Variants in OXR1 observed in about 807,000 individuals in gnomAD.
OXR1 encodes the protein oxidation resistance 1.
Under a neutral mutation model 104.6 loss-of-function variants are expected in OXR1, and 41 were observed. The observed-to-expected ratio is 0.39, with a 90% CI of 0.31 to 0.51. The LOEUF is 0.51. Among genes scored for constraint, OXR1 ranks in the 20% least tolerant of loss-of-function variants. The probability of loss-of-function intolerance (pLI) is 0.77; values close to 1 mark genes in which losing one functional copy is unlikely to be tolerated. For missense variants in OXR1, 955 were observed against 1,031.9 expected (o/e 0.93, Z 1.02); for synonymous variants, 348 against 348.4 (o/e 1.00, Z 0.01).
chr8:106,736,946 T>G (rs532291529), intron 11 of OXR1, among the ~76,000 whole-genome samples: 1 of 152,286 alleles, frequency 6.6e-6, no homozygotes, highest in Middle Eastern at 3.4e-3. Context: ...AAAATCTAAT[T>G]TTCTACTTTC....
intron 10 of OXR1, among the ~76,000 whole-genome samples, chr8:106,711,920 A>G (rs1160310783): frequency 1.3e-5 from 2 of 152,150 alleles, no homozygotes; most frequent in Non-Finnish European, 2.9e-5. Flanking sequence ...ACATACTTGA[A>G]AAGATACTGC....
chr8:106,684,353 G>C lies in OXR1; in HGVS notation c.519G>C (p.Lys173Asn). 2 of 1,515,002 alleles carry C rather than the reference G, an allele frequency of 1.3e-6. No homozygotes were observed. The highest frequency in any genetic ancestry group is 1.8e-6 in the Non-Finnish European group (2 of 1,089,990). The allele number at this position is 1,515,002 out of a possible 1,614,324, so 93.8% of individuals were successfully genotyped here. A position where few individuals can be genotyped will look rare whatever the true frequency, so the allele number is the denominator to read the frequency against. The change falls in exon 6 of 17, where the codon AAG (lysine) becomes AAC (asparagine). Residue 173 changes from lysine to asparagine, a missense_variant. Lys to Asn is a moderately conservative substitution (Grantham distance 94). Coordinates refer to ENST00000517566, the MANE Select transcript of OXR1 (RefSeq NM_001198533.2). The part of the protein sequence containing the change: ...SPTSSEAEFD[K>N]TTNPDVHPTE... ...CATCATCTGAGGCTGAATTTGATAAGACCACTGTAAGTATCTCTGCTTTGC... is the reference window on the plus strand; with the variant it reads ...CATCATCTGAGGCTGAATTTGATAACACCACTGTAAGTATCTCTGCTTTGC...
Position 106,306,045 on chromosome 8 carries a change from C to A in OXR1, c.-139+35678C>A, listed in dbSNP as rs184784291. ...TGCATTTCCCTCCATTCCTTCAGAG[C>A]TCTTTTTTTTTTCATTAAAATGCAG... On this transcript the variant is annotated intron_variant, in intron 1 of 16. Coordinates refer to ENST00000517566, the MANE Select transcript of OXR1 (RefSeq NM_001198533.2). 3.4e-3 allele frequency among the ~76,000 whole-genome samples: 514 copies of A among 150,786 alleles called. 4 individuals are homozygous for A. Among genetic ancestry groups the A allele is most frequent in the African/African-American group, 0.011 (458 of 41,326 alleles).
rs745313419 is a variant in OXR1, at chr8:106,274,398, C to T, written c.-139+4031C>T. Among the ~76,000 whole-genome samples the T allele has an allele frequency of 3.3e-5, 5 of 152,150 alleles. No individual in the cohort carries two copies. The East Asian group carries it at 9.6e-4, about 29-fold the overall frequency. On this transcript the variant is annotated intron_variant, in intron 1 of 16. Transcript: ENST00000517566. ...TAAAATTTGGTCGTTGTATCTACCC[C>T]CTCTTCTGTCTCACCATTCCACCCA...
At chr8:106,392,771 G>A (rs1817635330) in intron 2 of OXR1, among the ~76,000 whole-genome samples, 1 of 152,096 alleles carries the variant, frequency 6.6e-6, no homozygotes, top group Non-Finnish European at 1.5e-5. Flanking sequence ...AAGACAGGGA[G>A]CAAATAGGAA....
At chr8:106,296,733 T>C (rs752667491) in intron 1 of OXR1, among the ~76,000 whole-genome samples, 1 of 152,132 alleles carries the variant, frequency 6.6e-6, no homozygotes, top group Non-Finnish European at 1.5e-5. Flanking sequence ...GCAGTGAATG[T>C]TTGTATGGTT....
intron 3 of OXR1, among the ~76,000 whole-genome samples, chr8:106,626,950 A>T (rs1448757663): frequency 6.6e-6 from 1 of 152,068 alleles, no homozygotes; most frequent in East Asian, 1.9e-4. Context: ...CCTGAAAAAT[A>T]TGAAATGCTT....
At chr8:106,728,553 C>T (rs1418010238) in intron 11 of OXR1, among the ~76,000 whole-genome samples, 1 of 152,166 alleles carries the variant, frequency 6.6e-6, no homozygotes, top group Non-Finnish European at 1.5e-5. Flanking sequence ...TAACAAAATG[C>T]ATGGCATGAA....
At chr8:106,634,109 A>G (rs1822937703) in intron 3 of OXR1, among the ~76,000 whole-genome samples, 1 of 151,994 alleles carries the variant, frequency 6.6e-6, no homozygotes, top group Non-Finnish European at 1.5e-5. Context: ...CAGAACTACT[A>G]CTCTTTGAAA....
At chr8:106,698,781 A>AT (rs1335462863) in intron 7 of OXR1, among the ~76,000 whole-genome samples, 2 of 152,048 alleles carry the variant, frequency 1.3e-5, no homozygotes, top group Non-Finnish European at 2.9e-5. Flanking sequence ...ATTGTTGAAT[A>AT]TGGTTATAAT....
chr8:106,318,843 T>A (rs918878320), intron 1 of OXR1, among the ~76,000 whole-genome samples: 48 of 152,310 alleles, frequency 3.2e-4, no homozygotes, highest in African/African-American at 1.1e-3. Context: ...CCCAGTATGG[T>A]AAAGGAGAGA....
chr8:106,344,986 A>T (rs189330927), intron 1 of OXR1, among the ~76,000 whole-genome samples: 440 of 152,326 alleles, frequency 2.9e-3, no homozygotes, highest in African/African-American at 0.01. Context: ...CCTCCTTGTG[A>T]GGAAACAGCT....
chr8:106,278,481 T>TA lies in OXR1; in HGVS notation c.-139+8124dup, dbSNP rs1023640590. Among the ~76,000 whole-genome samples the TA allele has an allele frequency of 9.3e-3, 1,376 of 147,304 alleles. 10 individuals carry two copies. The highest frequency in any genetic ancestry group is 0.029 in the African/African-American group (1,153 of 40,350). ...CTTAGTATCTACAAACATGGGCAACTAAAAAAAAAATCCAGAAAGGTTAAC... is the reference window on the plus strand; with the variant it reads ...CTTAGTATCTACAAACATGGGCAACTAAAAAAAAAAATCCAGAAAGGTTAAC... On this transcript the variant is annotated intron_variant, in intron 1 of 16. Coordinates refer to ENST00000517566, the MANE Select transcript of OXR1 (RefSeq NM_001198533.2).
At chr8:106,676,649 G>A (rs1293649216) in intron 3 of OXR1, among the ~76,000 whole-genome samples, 8 of 152,064 alleles carry the variant, frequency 5.3e-5, no homozygotes, top group African/African-American at 1.9e-4. Flanking sequence ...GGTTTCAGCT[G>A]AGAGGTCTGC....
chr8:106,648,155 G>C lies in OXR1; in HGVS notation c.221-31055G>C, dbSNP rs547391597. ...TCAGGAAGTATGCCAGGGGATGGTT[G>C]TTAGTAGAAAAACCATTTCATGTCA... On this transcript the variant is annotated intron_variant, in intron 3 of 16. Coordinates refer to ENST00000517566, the MANE Select transcript of OXR1 (RefSeq NM_001198533.2). 3.1e-4 allele frequency among the ~76,000 whole-genome samples: 47 copies of C among 152,296 alleles called. No individual in the cohort carries two copies. The South Asian group carries it at 9.3e-3, about 30-fold the overall frequency.
chr8:106,550,508 G>C (rs76044557), intron 3 of OXR1, among the ~76,000 whole-genome samples: 5 of 152,090 alleles, frequency 3.3e-5, no homozygotes, highest in Non-Finnish European at 5.9e-5. Flanking sequence ...CCTGAATCTC[G>C]TCTTGAATTG....
intron 2 of OXR1, among the ~76,000 whole-genome samples, chr8:106,360,408 C>T (rs1816190895): frequency 6.6e-6 from 1 of 151,918 alleles, no homozygotes; most frequent in Non-Finnish European, 1.5e-5. Flanking sequence ...TTCATTTTAT[C>T]CTTGCTCTTC....
chr8:106,290,442 A>G (rs962781686), intron 1 of OXR1, among the ~76,000 whole-genome samples: 5 of 152,188 alleles, frequency 3.3e-5, no homozygotes, highest in African/African-American at 1.2e-4. Flanking sequence ...AAAACCAAAA[A>G]TTGACAAGTG....
intron 3 of OXR1, among the ~76,000 whole-genome samples, chr8:106,632,704 A>C (rs1047862036): frequency 1.3e-5 from 2 of 152,104 alleles, no homozygotes; most frequent in Non-Finnish European, 1.5e-5. Context: ...CTTGCATCAC[A>C]ATGTAAATAG....
Sources: gnomAD v4.1 joint callset for allele counts (sites outside exome capture counted in the v4.1 genomes callset) on GRCh38, gnomAD v4.1.1 for gene constraint, MANE v1.5 for transcripts, NCBI Gene and HGNC (gene_info 2026-07-23, HGNC 2026-07-21) for gene names.